Variants in GALNTL6 observed in about 807,000 individuals in gnomAD.
GALNTL6 encodes polypeptide N-acetylgalactosaminyltransferase-like 6.
In GALNTL6, 46 loss-of-function variants were observed where a neutral mutation model predicts 73.7. The ratio of observed to expected loss-of-function variants is 0.62; its 90% CI spans 0.49 to 0.80. GALNTL6 has a LOEUF of 0.80. Ranked by LOEUF, GALNTL6 falls within the 30% of genes least tolerant of loss-of-function variation. The pLI is 0.00. For synonymous variants in GALNTL6, 259 were observed against 263.7 expected, an observed-to-expected ratio of 0.98 and a Z score of 0.17; for missense variants, 604 against 755.0, an observed-to-expected ratio of 0.80 and a Z score of 2.34.
chr4:172,834,524 C>T (rs1441275367), intron 7 of GALNTL6, among the ~76,000 whole-genome samples: 1 of 152,164 alleles, frequency 6.6e-6, no homozygotes, highest in African/African-American at 2.4e-5. Flanking sequence ...AGGACTGTGC[C>T]CGAGAGAACT....
At chr4:172,105,348 G>A (rs1003050604) in intron 2 of GALNTL6, among the ~76,000 whole-genome samples, 1 of 151,924 alleles carries the variant, frequency 6.6e-6, no homozygotes, top group Non-Finnish European at 1.5e-5. Flanking sequence ...AAAAGTGAAA[G>A]AGAAGTAAAT....
intron 2 of GALNTL6, among the ~76,000 whole-genome samples, chr4:172,057,553 TA>T (rs201570841): frequency 2.0e-5 from 3 of 148,086 alleles, no homozygotes; most frequent in Non-Finnish European, 3.0e-5. Flanking sequence ...AAATAAAAAA[TA>T]AAAAAAACTG....
At chr4:172,903,494 C>G (rs1202475902) in intron 8 of GALNTL6, among the ~76,000 whole-genome samples, 10 of 152,190 alleles carry the variant, frequency 6.6e-5, no homozygotes, top group Admixed American at 6.5e-4. Flanking sequence ...ATGACTATTT[C>G]ACCCATTAAA....
intron 2 of GALNTL6, among the ~76,000 whole-genome samples, chr4:171,865,240 A>G (rs1387221625): frequency 6.6e-6 from 1 of 152,180 alleles, no homozygotes; most frequent in Non-Finnish European, 1.5e-5. Context: ...CCTGGTTTCT[A>G]TGAGTCAAGA....
intron 10 of GALNTL6, among the ~76,000 whole-genome samples, chr4:172,987,210 T>C (rs1479322963): frequency 6.6e-6 from 1 of 152,114 alleles, no homozygotes; most frequent in African/African-American, 2.4e-5. Flanking sequence ...GGAAAAAGGT[T>C]TAATAGACTC....
At chr4:171,856,207 A>C (rs1171352675) in intron 2 of GALNTL6, among the ~76,000 whole-genome samples, 1 of 151,680 alleles carries the variant, frequency 6.6e-6, no homozygotes, top group African/African-American at 2.4e-5. Context: ...GGTTCAAGTG[A>C]TTCTTCCATC....
chr4:172,995,025 A>G (rs566291467), intron 10 of GALNTL6, among the ~76,000 whole-genome samples: 1 of 152,318 alleles, frequency 6.6e-6, no homozygotes, highest in South Asian at 2.1e-4. Context: ...TCAAGTACTA[A>G]AAATTTGCTT....
chr4:172,288,327 G>A (rs538187637), intron 3 of GALNTL6, among the ~76,000 whole-genome samples: 10 of 152,114 alleles, frequency 6.6e-5, no homozygotes, highest in Non-Finnish European at 7.4e-5. Context: ...TCCTGACCTC[G>A]TGATCCGCCT....
At chr4:172,857,527 T>C (rs1187195944) in intron 7 of GALNTL6, among the ~76,000 whole-genome samples, 1 of 152,148 alleles carries the variant, frequency 6.6e-6, no homozygotes, top group Non-Finnish European at 1.5e-5. Flanking sequence ...AAGGGATAGG[T>C]GAACTAAACT....
chr4:172,192,863 G>A (rs2110882404), intron 2 of GALNTL6, among the ~76,000 whole-genome samples: 1 of 152,292 alleles, frequency 6.6e-6, no homozygotes. Flanking sequence ...TTCCCTTGCT[G>A]GTGCCCAGGA....
chr4:172,423,714 A>T (rs951886036), intron 5 of GALNTL6, among the ~76,000 whole-genome samples: 1 of 152,072 alleles, frequency 6.6e-6, no homozygotes, highest in Non-Finnish European at 1.5e-5. Flanking sequence ...GTAAGCTCTA[A>T]AAAGGTAAAC....
chr4:172,634,931 A>G (rs113834758), intron 5 of GALNTL6, among the ~76,000 whole-genome samples: 2,103 of 152,316 alleles, frequency 0.014, 43 homozygotes, highest in African/African-American at 0.047. Flanking sequence ...TATTATATTC[A>G]AAGAGCCAAC....
intron 5 of GALNTL6, among the ~76,000 whole-genome samples, chr4:172,805,663 A>G (rs1740914111): frequency 6.6e-6 from 1 of 152,202 alleles, no homozygotes; most frequent in Non-Finnish European, 1.5e-5. Flanking sequence ...GGTGTTATTT[A>G]AAATTAAAGA....
intron 5 of GALNTL6, among the ~76,000 whole-genome samples, chr4:172,702,001 GAGCAGGTAC>G (rs960796627): frequency 1.2e-4 from 18 of 152,036 alleles, no homozygotes; most frequent in Non-Finnish European, 1.8e-4. Flanking sequence ...AATCAAAACT[GAGCAGGTAC>G]ATTTTAATAC....
chr4:172,533,010 T>C (rs1037313266), intron 5 of GALNTL6, among the ~76,000 whole-genome samples: 3 of 134,306 alleles, frequency 2.2e-5, no homozygotes, highest in Non-Finnish European at 4.8e-5. Context: ...TACATTTTTG[T>C]AGAATTTTTT....
At chr4:172,763,958 A>ATTT (rs35078752) in intron 5 of GALNTL6, among the ~76,000 whole-genome samples, 17,725 of 136,740 alleles carry the variant, frequency 0.13, 1,409 homozygotes, top group Admixed American at 0.21. Context: ...AACAAGGTGT[A>ATTT]TTTTTTTTTT....
chr4:172,133,043 T>A (rs190779014), intron 2 of GALNTL6, among the ~76,000 whole-genome samples: 16 of 152,332 alleles, frequency 1.1e-4, no homozygotes, highest in Admixed American at 9.1e-4. Flanking sequence ...TACAAATGAA[T>A]GACTTAACTG....
intron 5 of GALNTL6, among the ~76,000 whole-genome samples, chr4:172,769,142 A>G (rs1738613118): frequency 6.6e-6 from 1 of 152,254 alleles, no homozygotes; most frequent in African/African-American, 2.4e-5. Flanking sequence ...GAAACCCGCA[A>G]TTCATCTGGC....
intron 5 of GALNTL6, among the ~76,000 whole-genome samples, chr4:172,655,333 G>T (rs1255244288): frequency 6.6e-6 from 1 of 152,052 alleles, no homozygotes; most frequent in African/African-American, 2.4e-5. Context: ...TTTATCATTT[G>T]CACTCACAGC....
Sources: allele counts gnomAD v4.1 joint callset (sites outside exome capture counted in the v4.1 genomes callset), GRCh38; gene constraint gnomAD v4.1.1; transcripts MANE v1.5; gene names NCBI Gene and HGNC (gene_info 2026-07-23, HGNC 2026-07-21).